BICDL1: variants seen among roughly 807,000 people sequenced by gnomAD.
BICDL1 encodes the protein BICD family-like cargo adapter 1.
BICDL1 carries 20 observed loss-of-function variants against 76.8 expected under a neutral mutation model. The observed-to-expected ratio is 0.26, with a 90% CI of 0.18 to 0.38. BICDL1 has a LOEUF of 0.38. Among genes scored for constraint, BICDL1 ranks in the 10% least tolerant of loss-of-function variants. The pLI, the probability that BICDL1 is intolerant of heterozygous loss-of-function variation, is 1.00. For synonymous variants in BICDL1, 383 were observed against 337.1 expected, an observed-to-expected ratio of 1.14 and a Z score of -1.49; for missense variants, 700 against 798.6, an observed-to-expected ratio of 0.88 and a Z score of 1.49.
At chr12:120,076,614 G>A (rs532860876) in intron 7 of BICDL1, among the ~76,000 whole-genome samples, 1 of 151,948 alleles carries the variant, frequency 6.6e-6, no homozygotes, top group South Asian at 2.1e-4. Flanking sequence ...GCCAGTTGCT[G>A]TGGATTCTCT....
chr12:120,060,208 T>C (rs531725875), intron 2 of BICDL1, among the ~76,000 whole-genome samples: 1 of 152,352 alleles, frequency 6.6e-6, no homozygotes, highest in South Asian at 2.1e-4. Context: ...AGTGAATGAC[T>C]AATGTGTTTT....
chr12:120,003,508 C>T (rs1479562675), intron 2 of BICDL1, among the ~76,000 whole-genome samples: 1 of 152,190 alleles, frequency 6.6e-6, no homozygotes, highest in East Asian at 1.9e-4. Context: ...CTTTCACACT[C>T]ACTCTTACAC....
rs978677198 is a variant in BICDL1 at position 119,991,732 on chromosome 12, C to T, written c.429+1435C>T. Among the ~76,000 whole-genome samples, 3 of 152,198 alleles carry T rather than the reference C, an allele frequency of 2.0e-5. No homozygotes were observed. In the East Asian group the frequency reaches 5.8e-4, roughly 29 times the overall value. ...AGGACTTGATTGAAGAGACAGCTGACTTGAAAGGAGCACCGTATCAGTTTG... is the reference window on the plus strand; with the variant it reads ...AGGACTTGATTGAAGAGACAGCTGATTTGAAAGGAGCACCGTATCAGTTTG... On this transcript the variant is annotated intron_variant, in intron 1 of 9. Transcript: ENST00000548673.
chr12:120,031,289 C>A (rs145384488), intron 2 of BICDL1, among the ~76,000 whole-genome samples: 2 of 151,244 alleles, frequency 1.3e-5, no homozygotes, highest in Non-Finnish European at 2.9e-5. Flanking sequence ...CTGCAAGCTC[C>A]GCCTCCTGGG....
intron 2 of BICDL1, among the ~76,000 whole-genome samples, chr12:120,032,694 T>G (rs1952447060): frequency 6.6e-6 from 1 of 152,008 alleles, no homozygotes; most frequent in African/African-American, 2.4e-5. Flanking sequence ...GAAAACAGCT[T>G]AGTACAAATC....
intron 5 of BICDL1, 21 bp from the exon 6 acceptor site, chr12:120,072,490 T>C: frequency 6.2e-7 from 1 of 1,611,970 alleles, no homozygotes; most frequent in Non-Finnish European, 8.5e-7. Context: ...CTGAAATGAA[T>C]AGTAATTCTC....
chr12:120,090,812 A>G, intron 9 of BICDL1: 1 of 1,131,034 alleles, frequency 8.8e-7, no homozygotes, highest in Non-Finnish European at 1.2e-6. Context: ...CACTGGCCCC[A>G]CCGCAGGGTG....
In BICDL1 at chr12:120,070,028, C is replaced by A. The variant is rs536434163; in HGVS notation, c.910-1594C>A. Among the ~76,000 whole-genome samples, 3 of 152,208 alleles carry A rather than the reference C, an allele frequency of 2.0e-5. No individual in the cohort carries two copies. In the East Asian group the frequency reaches 5.8e-4, roughly 29 times the overall value. On this transcript the variant is annotated intron_variant, in intron 4 of 9. Transcript: ENST00000548673. ...ATAGTATTCTAACATGTGAACATAC[C>A]GCAATTCACTTATTTTATTCTTATT...
Position 120,093,442 on chromosome 12 carries a change from C to T in BICDL1, c.*281C>T, listed in dbSNP as rs577122357. ...TGCTTGAGCAGGGTTAGGCCACCTCCCAGAGGGGCCCCTTGGTGTTGGGCT... is the reference window on the plus strand; with the variant it reads ...TGCTTGAGCAGGGTTAGGCCACCTCTCAGAGGGGCCCCTTGGTGTTGGGCT... On this transcript the variant is annotated 3_prime_UTR_variant, in exon 10 of 10. Coordinates refer to ENST00000548673, the MANE Select transcript of BICDL1 (RefSeq NM_001367886.1). The T allele has an allele frequency of 6.0e-5, 26 of 432,760 alleles. No individual in the cohort carries two copies. Among genetic ancestry groups the T allele is most frequent in the African/African-American group, 4.9e-4 (24 of 48,802 alleles). The allele number at this position is 432,760 out of a possible 1,614,324, so 26.8% of individuals were successfully genotyped here.
At chr12:120,014,077 G>A (rs1952012585) in intron 2 of BICDL1, among the ~76,000 whole-genome samples, 1 of 152,154 alleles carries the variant, frequency 6.6e-6, no homozygotes, top group South Asian at 2.1e-4. Flanking sequence ...GTAAATGTGT[G>A]TTATAAAAAA....
chr12:120,072,415 T>C (rs1240084415), intron 5 of BICDL1, 96 bp from the exon 6 acceptor site: 22 of 1,129,988 alleles, frequency 1.9e-5, no homozygotes, highest in East Asian at 4.7e-5. Context: ...AACTGGTGTC[T>C]TGGGTATCAG....
chr12:119,995,783 G>A (rs1017506053), intron 1 of BICDL1, among the ~76,000 whole-genome samples: 29 of 151,984 alleles, frequency 1.9e-4, no homozygotes, highest in Non-Finnish European at 3.8e-4. Flanking sequence ...TCAGGAGATC[G>A]AGACCATCCT....
chr12:120,049,821 C>T (rs939215311), intron 2 of BICDL1, among the ~76,000 whole-genome samples: 9 of 152,188 alleles, frequency 5.9e-5, no homozygotes, highest in African/African-American at 2.2e-4. Flanking sequence ...TGGTAATTTT[C>T]TCTTCAGTTG....
intron 2 of BICDL1, among the ~76,000 whole-genome samples, chr12:120,025,141 CT>C (rs1430329635): frequency 1.3e-5 from 2 of 151,750 alleles, no homozygotes; most frequent in Admixed American, 6.6e-5. Context: ...GCTCCGCCCC[CT>C]GGGGTTCACA....
rs963403022 is a variant in BICDL1, at chr12:120,071,198, A to G, written c.910-424A>G. 2.6e-5 allele frequency among the ~76,000 whole-genome samples: 4 copies of G among 151,468 alleles called. No individual in the cohort carries two copies. The highest frequency in any genetic ancestry group is 6.6e-5 in the Admixed American group (1 of 15,220). On this transcript the variant is annotated intron_variant, in intron 4 of 9. Coordinates refer to ENST00000548673, the MANE Select transcript of BICDL1 (RefSeq NM_001367886.1). The surrounding 1 kb of genome is among the most constrained non-coding windows in gnomAD (Gnocchi z 4.8). ...CGCACTGTCACCCAGGTTGGAGTGC[A>G]ATGGCGTGATCTTAGCTCATTGCAA... is the stretch of plus-strand genomic sequence containing the variant.
intron 8 of BICDL1, among the ~76,000 whole-genome samples, chr12:120,083,384 G>A (rs951290526): frequency 2.0e-5 from 3 of 151,714 alleles, no homozygotes; most frequent in Admixed American, 6.6e-5. Flanking sequence ...TCAGCCTCCC[G>A]AGTAGCTGGG....
intron 2 of BICDL1, among the ~76,000 whole-genome samples, chr12:120,050,799 A>C (rs1029042720): frequency 6.6e-6 from 1 of 151,702 alleles, no homozygotes; most frequent in Non-Finnish European, 1.5e-5. Context: ...TGTGCCACGC[A>C]CAGCTAATTT....
intron 3 of BICDL1, 132 bp downstream of exon 3, chr12:120,061,958 T>A: frequency 1.5e-6 from 1 of 646,810 alleles, no homozygotes; most frequent in South Asian, 1.9e-5. Flanking sequence ...TGGGAAACAT[T>A]TGATCTGTTT....
chr12:120,091,183 G>A (rs1002762840), intron 9 of BICDL1: 9 of 1,199,496 alleles, frequency 7.5e-6, no homozygotes, highest in East Asian at 5.8e-5. Flanking sequence ...CATCACAGTC[G>A]CGTCCAGTGA....
Sources: gnomAD v4.1 joint callset for allele counts (sites outside exome capture counted in the v4.1 genomes callset) on GRCh38, gnomAD v4.1.1 for gene constraint, Gnocchi (gnomAD v3.1) non-coding constraint, MANE v1.5 for transcripts, NCBI Gene and HGNC (gene_info 2026-07-23, HGNC 2026-07-21) for gene names.